Variants in EPHA5 observed in about 807,000 individuals in gnomAD.
The protein encoded by EPHA5 is ephrin type-A receptor 5.
In EPHA5, 60 loss-of-function variants were observed where a neutral mutation model predicts 105.0. That is an observed-to-expected ratio of 0.57 (90% CI 0.46 to 0.71). The LOEUF is 0.71. Among genes scored for constraint, EPHA5 ranks in the 30% least tolerant of loss-of-function variants. The pLI, the probability that EPHA5 is intolerant of heterozygous loss-of-function variation, is 0.00. For missense variants in EPHA5, 1,218 were observed against 1,274.7 expected (o/e 0.96, Z 0.68); for synonymous variants, 513 against 449.1 (o/e 1.14, Z -1.80).
rs528295352 is a variant in EPHA5, at chr4:65,619,208, T to C, written c.247-16904A>G. 2.5e-4 allele frequency among the ~76,000 whole-genome samples: 38 copies of C among 152,296 alleles called. No homozygotes were observed. The South Asian group carries it at 7.2e-3, about 29-fold the overall frequency. On this transcript the variant is annotated intron_variant, in intron 2 of 16. Coordinates refer to ENST00000613740, the MANE Select transcript of EPHA5 (RefSeq NM_001281766.3). ...CTGGATGTTTACATTTGTACACTTA[T>C]TGATAACACATTACTTCATAGACAT...
intron 3 of EPHA5, among the ~76,000 whole-genome samples, chr4:65,563,483 A>G (rs1303221137): frequency 6.6e-6 from 1 of 152,060 alleles, no homozygotes; most frequent in African/African-American, 2.4e-5. Flanking sequence ...AGAGCAGGTA[A>G]CAAGAAATTA....
At chr4:65,486,734 T>G (rs549431366) in intron 5 of EPHA5, among the ~76,000 whole-genome samples, 2 of 152,382 alleles carry the variant, frequency 1.3e-5, no homozygotes, top group East Asian at 3.9e-4. Context: ...AAAAGTGTTT[T>G]GCCATGGTGG....
intron 6 of EPHA5, among the ~76,000 whole-genome samples, chr4:65,419,697 T>TGA (rs1723757086): frequency 1.3e-5 from 2 of 152,136 alleles, no homozygotes; most frequent in Admixed American, 1.3e-4. Context: ...GGAAGACTCA[T>TGA]GGTGGCTACA....
rs557578261 is a variant in EPHA5, at chr4:65,447,506, T to A, written c.1403-26941A>T. ...ATTAAACTTTATATAATATATATAT[T>A]TTTTCCTAATTCTGAAGCCTAGACT... is the stretch of plus-strand genomic sequence containing the variant. On this transcript the variant is annotated intron_variant, in intron 5 of 16. Coordinates refer to ENST00000613740, the MANE Select transcript of EPHA5 (RefSeq NM_001281766.3). 6.1e-3 allele frequency among the ~76,000 whole-genome samples: 923 copies of A among 150,570 alleles called. 7 individuals carry two copies. The highest frequency in any genetic ancestry group is 0.021 in the African/African-American group (862 of 41,260).
intron 3 of EPHA5, among the ~76,000 whole-genome samples, chr4:65,596,438 C>G (rs150416181): frequency 6.6e-6 from 1 of 151,924 alleles, no homozygotes; most frequent in Non-Finnish European, 1.5e-5. Flanking sequence ...ATCAAAACTC[C>G]AGTGCTGAAA....
chr4:65,541,285 C>G (rs1193359213), intron 3 of EPHA5, among the ~76,000 whole-genome samples: 1 of 151,530 alleles, frequency 6.6e-6, no homozygotes, highest in East Asian at 1.9e-4. Context: ...GCTAAATGCC[C>G]CAATTAAAAG....
intron 5 of EPHA5, among the ~76,000 whole-genome samples, chr4:65,468,885 T>C (rs1204472189): frequency 6.6e-6 from 1 of 151,668 alleles, no homozygotes; most frequent in Non-Finnish European, 1.5e-5. Context: ...TTACTCTCCA[T>C]TTTGTCACAG....
chr4:65,627,703 A>G (rs1485069096), intron 2 of EPHA5, among the ~76,000 whole-genome samples: 1 of 152,152 alleles, frequency 6.6e-6, no homozygotes, highest in East Asian at 1.9e-4. Context: ...AATAAAAATT[A>G]GCAAAATGCC....
chr4:65,659,912 A>G (rs1334093247), intron 1 of EPHA5, among the ~76,000 whole-genome samples: 1 of 152,158 alleles, frequency 6.6e-6, no homozygotes, highest in Non-Finnish European at 1.5e-5. Context: ...CAGATGAGAC[A>G]TCTACATATT....
chr4:65,641,721 A>T (rs918587370), intron 2 of EPHA5, among the ~76,000 whole-genome samples: 3 of 152,122 alleles, frequency 2.0e-5, no homozygotes, highest in African/African-American at 7.2e-5. Flanking sequence ...CCTGTCTTCA[A>T]TATTAACATC....
intron 3 of EPHA5, among the ~76,000 whole-genome samples, chr4:65,520,286 C>T (rs1400605154): frequency 2.0e-5 from 3 of 152,116 alleles, no homozygotes; most frequent in African/African-American, 7.2e-5. Context: ...GAAAGGATTC[C>T]CTATTCAATA....
chr4:65,335,241 T>G (rs1721059118), intron 15 of EPHA5, among the ~76,000 whole-genome samples: 1 of 152,042 alleles, frequency 6.6e-6, no homozygotes, highest in African/African-American at 2.4e-5. Flanking sequence ...CAAACTGATT[T>G]ATTTTTTGAG....
chr4:65,391,254 A>G lies in EPHA5; in HGVS notation c.1793+13120T>C, dbSNP rs188869372. ...TGGGGACACAAAGCCTAACCATATCACTTGAAATAGAATATGCTTTTTATC... is the reference window on the plus strand; with the variant it reads ...TGGGGACACAAAGCCTAACCATATCGCTTGAAATAGAATATGCTTTTTATC... On this transcript the variant is annotated intron_variant, in intron 8 of 16. Transcript: ENST00000613740. Among the ~76,000 whole-genome samples the G allele has an allele frequency of 2.6e-5, 4 of 152,222 alleles. No individual in the cohort carries two copies. The East Asian group carries it at 7.7e-4, about 29-fold the overall frequency.
At chr4:65,583,123 C>G (rs2149401213) in intron 3 of EPHA5, among the ~76,000 whole-genome samples, 1 of 151,584 alleles carries the variant, frequency 6.6e-6, no homozygotes, top group South Asian at 2.1e-4. Context: ...TAAGCCAGGT[C>G]TATCTGCTGT....
intron 11 of EPHA5, among the ~76,000 whole-genome samples, chr4:65,357,808 T>C (rs73822119): frequency 0.11 from 16,182 of 150,928 alleles, 950 homozygotes; most frequent in African/African-American, 0.15. Context: ...AAATTAAAGG[T>C]GTATAGCTCA....
At chr4:65,654,791 T>C (rs1179402996) in intron 1 of EPHA5, among the ~76,000 whole-genome samples, 2 of 147,276 alleles carry the variant, frequency 1.4e-5, no homozygotes, top group Non-Finnish European at 3.0e-5. Flanking sequence ...TTTCATTCTG[T>C]TATAAATCCT....
At chr4:65,542,816 A>C (rs2149324564) in intron 3 of EPHA5, among the ~76,000 whole-genome samples, 2 of 152,178 alleles carry the variant, frequency 1.3e-5, no homozygotes, top group South Asian at 4.1e-4. Context: ...TTGATATGAA[A>C]ATCCTCAATA....
At chr4:65,655,693 A>C (rs1748995556) in intron 1 of EPHA5, among the ~76,000 whole-genome samples, 2 of 152,244 alleles carry the variant, frequency 1.3e-5, no homozygotes, top group Non-Finnish European at 2.9e-5. Flanking sequence ...CAGATTTCCA[A>C]GTTGCAGAAG....
chr4:65,519,989 G>T (rs888760464), intron 3 of EPHA5, among the ~76,000 whole-genome samples: 8 of 152,266 alleles, frequency 5.3e-5, no homozygotes, highest in Non-Finnish European at 1.2e-4. Flanking sequence ...TCCCCATCAA[G>T]CTACCAATGA....
Sources: allele counts gnomAD v4.1 joint callset (sites outside exome capture counted in the v4.1 genomes callset), GRCh38; gene constraint gnomAD v4.1.1; transcripts MANE v1.5; gene names NCBI Gene and HGNC (gene_info 2026-07-23, HGNC 2026-07-21).